ZGRF1: variants seen among roughly 807,000 people sequenced by gnomAD.
ZGRF1 encodes 5'-3' DNA helicase ZGRF1.
In ZGRF1, 196 loss-of-function variants were observed where a neutral mutation model predicts 203.5. The observed-to-expected ratio is 0.96, with a 90% confidence interval of 0.86 to 1.08. ZGRF1 has a LOEUF of 1.08. Among genes scored for constraint, ZGRF1 ranks in the 50% least tolerant of loss-of-function variants. The pLI, the probability that ZGRF1 is intolerant of heterozygous loss-of-function variation, is 0.00. For synonymous variants in ZGRF1, 809 were observed against 841.3 expected (o/e 0.96, Z 0.66); for missense variants, 2,326 against 2,416.3 (o/e 0.96, Z 0.78).
intron 24 of ZGRF1, among the ~76,000 whole-genome samples, chr4:112,543,746 G>A (rs1738176683): frequency 1.3e-5 from 2 of 152,178 alleles, no homozygotes; most frequent in Non-Finnish European, 2.9e-5. Flanking sequence ...GGGGACAGGA[G>A]GAGAAGTCTT....
At chr4:112,635,805 T>C (rs2047596979) in intron 1 of ZGRF1, among the ~76,000 whole-genome samples, 1 of 151,880 alleles carries the variant, frequency 6.6e-6, no homozygotes, top group African/African-American at 2.4e-5. Flanking sequence ...AGGAACCCAG[T>C]ATTTACTAGT....
intron 19 of ZGRF1, among the ~76,000 whole-genome samples, 190 bp downstream of exon 19, chr4:112,560,543 A>G (rs539118201): frequency 2.6e-5 from 4 of 152,352 alleles, no homozygotes; most frequent in Non-Finnish European, 5.9e-5. Flanking sequence ...AGATATGCTA[A>G]TAAGTCTCCC....
intron 4 of ZGRF1, among the ~76,000 whole-genome samples, chr4:112,622,834 C>T (rs1334418028): frequency 1.3e-5 from 2 of 152,070 alleles, no homozygotes; most frequent in African/African-American, 4.8e-5. Flanking sequence ...TTATTTTTAA[C>T]CTTTAAGTTC....
chr4:112,600,569 T>C (rs1749792359), intron 10 of ZGRF1, among the ~76,000 whole-genome samples: 1 of 151,918 alleles, frequency 6.6e-6, no homozygotes, highest in Non-Finnish European at 1.5e-5. Context: ...TGGGCACCTG[T>C]AATCCCAGCT....
In ZGRF1 at chr4:112,619,164, G is replaced by A; in HGVS notation, c.878C>T (p.Pro293Leu). 2 of 1,613,520 alleles carry A rather than the reference G, an allele frequency of 1.2e-6. No homozygotes were observed. Among genetic ancestry groups the A allele is most frequent in the African/African-American group, 1.3e-5 (1 of 75,012 alleles). Residue 293 changes from proline (P) to leucine (L), a missense_variant, in exon 6 of 28, where the codon CCA becomes CTA. Physicochemically the swap from Pro to Leu is moderately conservative, Grantham distance 98. Coordinates refer to ENST00000505019, the MANE Select transcript of ZGRF1 (RefSeq NM_018392.5). Reference protein sequence around the residue: ...PQGSLKIATKPKYLIQQEECA... With the variant: ...PQGSLKIATKLKYLIQQEECA... ...CTCTTCCTGTTGAATTAGGTACTTT[G>A]GTTTAGTAGCAATTTTTAAACTTCC...
rs1427293140 is a variant in ZGRF1, at chr4:112,553,938, A to G, written c.5243T>C (p.Leu1748Pro). 2 of 1,612,816 alleles carry G rather than the reference A, an allele frequency of 1.2e-6. No homozygotes were observed. Among genetic ancestry groups the G allele is most frequent in the South Asian group, 2.2e-5 (2 of 90,714 alleles). ...CAGGTCTTCTTTCATTAGTGCATGTAGTTCTTTTAACTGTTCACTTTCATT... is the reference window on the plus strand; with the variant it reads ...CAGGTCTTCTTTCATTAGTGCATGTGGTTCTTTTAACTGTTCACTTTCATT... ...SENESEQLKELHALMKEDLTP... is the reference protein window; with the variant it reads ...SENESEQLKEPHALMKEDLTP... The change falls in exon 22 of 28, where the codon CTA becomes CCA. Residue 1748 changes from leucine to proline, a missense_variant. By Grantham distance (98) the Leu-to-Pro change is moderately conservative. Coordinates refer to ENST00000505019, the MANE Select transcript of ZGRF1 (RefSeq NM_018392.5).
At chr4:112,588,966 T>C (rs1747697443) in intron 11 of ZGRF1, among the ~76,000 whole-genome samples, 2 of 152,144 alleles carry the variant, frequency 1.3e-5, no homozygotes, top group African/African-American at 4.8e-5. Flanking sequence ...GAATACCCAC[T>C]CCGGTGTATT....
rs1335019415 is a variant in ZGRF1 at position 112,606,049 on chromosome 4, C to T, written c.2761G>A (p.Val921Ile). 2.5e-6 allele frequency: 4 copies of T among 1,605,764 alleles called. No homozygotes were observed. The highest frequency in any genetic ancestry group is 1.7e-5 in the Admixed American group (1 of 58,352). The change falls in exon 9 of 28, where the codon GTT becomes ATT. Residue 921 changes from valine (V) to isoleucine (I), a missense_variant. Val to Ile is a conservative substitution (Grantham distance 29, BLOSUM62 3). Coordinates refer to ENST00000505019, the MANE Select transcript of ZGRF1 (RefSeq NM_018392.5). Reference protein sequence around the residue: ...GSKEETAFQAVIPKQIERKTC... With the variant: ...GSKEETAFQAIIPKQIERKTC... Reference sequence around the variant, plus strand: ...TTTCTCTCTATTTGTTTAGGAATAACAGCTTGAAAAGCAGTCTCTTCTTTA... The same window carrying T: ...TTTCTCTCTATTTGTTTAGGAATAATAGCTTGAAAAGCAGTCTCTTCTTTA...
chr4:112,574,150 C>T (rs992638440), intron 16 of ZGRF1, among the ~76,000 whole-genome samples: 6 of 152,160 alleles, frequency 3.9e-5, no homozygotes, highest in Non-Finnish European at 7.4e-5. Context: ...GAAACCCATA[C>T]ATGTCTAAAA....
chr4:112,585,989 G>A (rs867849488), intron 13 of ZGRF1, among the ~76,000 whole-genome samples: 13 of 151,878 alleles, frequency 8.6e-5, no homozygotes, highest in Middle Eastern at 3.4e-3. Context: ...TGTAATCAAC[G>A]CACTTTGGGA....
chr4:112,592,669 T>C (rs1748376404), intron 10 of ZGRF1, among the ~76,000 whole-genome samples: 1 of 152,322 alleles, frequency 6.6e-6, no homozygotes, highest in African/African-American at 2.4e-5. Context: ...TCCACAAATA[T>C]CTCCTCTAAA....
Position 112,565,054 on chromosome 4 carries a change from A to T in ZGRF1, c.4439-1780T>A, listed in dbSNP as rs1742765963. The stretch of plus-strand genomic sequence containing the variant: ...TAAACCACCCAGGAAGCAACTGGCT[A>T]CAAAAGCCGCTCGCAAGAGTGTGCC... On this transcript the variant is annotated intron_variant, in intron 16 of 27. Transcript: ENST00000505019. 8.3e-6 allele frequency: 10 copies of T among 1,209,872 alleles called. No individual in the cohort carries two copies. The South Asian group carries it at 1.1e-4, about 13-fold the overall frequency. The allele number at this position is 1,209,872 out of a possible 1,614,324, so 74.9% of individuals were successfully genotyped here. A position where few individuals can be genotyped will look rare whatever the true frequency, so the allele number is the denominator to read the frequency against.
At chr4:112,560,707 C>T (rs368738637) in intron 19 of ZGRF1, 26 bp downstream of exon 19, 2 of 1,521,332 alleles carry the variant, frequency 1.3e-6, no homozygotes, top group Non-Finnish European at 1.8e-6. Flanking sequence ...AAAACAATTA[C>T]AATTATTTTC....
chr4:112,541,401 A>C, intron 24 of ZGRF1, 133 bp from the exon 25 acceptor site: 1 of 388,808 alleles, frequency 2.6e-6, no homozygotes, highest in Non-Finnish European at 4.5e-6. Flanking sequence ...GATAGAATAG[A>C]CTATAAATAA....
chr4:112,627,617 G>A (rs1003455641), intron 3 of ZGRF1, among the ~76,000 whole-genome samples: 5 of 152,192 alleles, frequency 3.3e-5, no homozygotes, highest in African/African-American at 1.2e-4. Flanking sequence ...GCACATGCTT[G>A]TAATCCCAGC....
intron 7 of ZGRF1, among the ~76,000 whole-genome samples, chr4:112,611,449 ACTTT>A (rs1315423133): frequency 1.3e-5 from 2 of 152,170 alleles, no homozygotes; most frequent in Non-Finnish European, 2.9e-5. Context: ...GAAACATTCT[ACTTT>A]CTTTTGTTCC....
chr4:112,617,524 C>A lies in ZGRF1; in HGVS notation c.2518G>T (p.Asp840Tyr). Residue 840 changes from aspartate (D) to tyrosine (Y), a missense_variant, in exon 6 of 28, where the codon GAC (aspartate) becomes TAC (tyrosine). By Grantham distance (160) the Asp-to-Tyr change is radical. Transcript: ENST00000505019. ...TTCTTTTTCAATATTTCCAAGCTGT[C>A]TAAAGCAGTACTGTGTTCACATAGC... ...KSLCEHSTAL[D>Y]SLEILKKKNT... 1 of 1,611,202 alleles carries A rather than the reference C, an allele frequency of 6.2e-7. No homozygotes were observed. Among genetic ancestry groups the A allele is most frequent in the South Asian group, 1.1e-5 (1 of 90,106 alleles).
intron 10 of ZGRF1, among the ~76,000 whole-genome samples, chr4:112,595,448 T>C (rs1194920054): frequency 6.6e-6 from 1 of 152,050 alleles, no homozygotes; most frequent in South Asian, 2.1e-4. Flanking sequence ...CACAGCATAG[T>C]GGCTCACGTC....
chr4:112,550,053 C>T (rs1375840996), intron 22 of ZGRF1, among the ~76,000 whole-genome samples: 1 of 151,990 alleles, frequency 6.6e-6, no homozygotes, highest in Admixed American at 6.6e-5. Flanking sequence ...ATTAGCCGGG[C>T]GTGGTGGCGG....
Sources: allele counts gnomAD v4.1 joint callset (sites outside exome capture counted in the v4.1 genomes callset), GRCh38; gene constraint gnomAD v4.1.1; transcripts MANE v1.5; gene names NCBI Gene and HGNC (gene_info 2026-07-23, HGNC 2026-07-21).